CSMD1: variants seen among roughly 807,000 people sequenced by gnomAD.
The protein encoded by CSMD1 is CUB and sushi domain-containing protein 1.
CSMD1 carries 213 observed loss-of-function variants against 417.5 expected under a neutral mutation model. The ratio of observed to expected loss-of-function variants is 0.51; its 90% CI spans 0.46 to 0.57. CSMD1 has a LOEUF of 0.57. Ranked by LOEUF, CSMD1 falls within the 20% of genes least tolerant of loss-of-function variation. The pLI is 0.00. For synonymous variants in CSMD1, 2,862 were observed against 1,736.8 expected (o/e 1.65, Z -16.11); for missense variants, 6,923 against 4,529.7 (o/e 1.53, Z -15.17).
At chr8:3,294,871 G>A (rs1402023976) in intron 25 of CSMD1, among the ~76,000 whole-genome samples, 2 of 152,066 alleles carry the variant, frequency 1.3e-5, no homozygotes, top group Non-Finnish European at 2.9e-5. Context: ...GATGTACCCG[G>A]TACCTTAGTT....
rs754452145 is a variant in CSMD1 at position 3,219,382 on chromosome 8, G to A, written c.4545C>T (p.Ser1515=). The change falls in exon 29 of 70, where the codon AGC becomes AGT. Residue 1515 remains serine, a synonymous_variant. Transcript: ENST00000635120. The part of the protein sequence containing the change: ...LHIYEGEDSN[S]PLIGSYQGSQ... The stretch of plus-strand genomic sequence containing the variant: ...AGCCCTGGTAACTCCCAATGAGGGG[G>A]CTGTTGGAATCTTCCCCTTCATAGA... 7.5e-5 allele frequency: 118 copies of A among 1,567,260 alleles called. No individual in the cohort carries two copies. The Middle Eastern group carries it at 9.1e-4, about 12-fold the overall frequency.
chr8:3,549,874 C>T (rs567087610), intron 10 of CSMD1, among the ~76,000 whole-genome samples: 1 of 152,164 alleles, frequency 6.6e-6, no homozygotes, highest in Admixed American at 6.5e-5. Flanking sequence ...AACATATGCT[C>T]CAAGTGTAAC....
rs114736989 is a variant in CSMD1 at position 4,632,123 on chromosome 8, T to C, written c.302+5219A>G. 2.1e-3 allele frequency among the ~76,000 whole-genome samples: 324 copies of C among 152,304 alleles called. 2 individuals carry two copies. Among genetic ancestry groups the C allele is most frequent in the African/African-American group, 7.5e-3 (313 of 41,562 alleles). ...CACCACATGGGATGGTTGACTCACA[T>C]TCATTTAGGAGAGAGTTACATTAAG... On this transcript the variant is annotated intron_variant, in intron 2 of 69. Transcript: ENST00000635120.
chr8:4,406,017 G>C (rs1563139927), intron 3 of CSMD1, among the ~76,000 whole-genome samples: 1 of 152,206 alleles, frequency 6.6e-6, no homozygotes, highest in Admixed American at 6.5e-5. Flanking sequence ...AATTCATTCA[G>C]ACTGGCTTGT....
At chr8:3,786,581 C>A (rs1489268912) in intron 5 of CSMD1, among the ~76,000 whole-genome samples, 1 of 152,106 alleles carries the variant, frequency 6.6e-6, no homozygotes, top group Non-Finnish European at 1.5e-5. Context: ...CTAGGATGGA[C>A]AGGAAAATCG....
At chr8:4,233,226 T>C (rs1801850056) in intron 3 of CSMD1, among the ~76,000 whole-genome samples, 1 of 152,228 alleles carries the variant, frequency 6.6e-6, no homozygotes, top group Admixed American at 6.5e-5. Flanking sequence ...TTTTTCTTTT[T>C]GAAGTTAACA....
chr8:4,058,811 A>G lies in CSMD1; in HGVS notation c.416-26712T>C, dbSNP rs1324216100. 3.3e-5 allele frequency among the ~76,000 whole-genome samples: 5 copies of G among 151,026 alleles called. No homozygotes were observed. In the East Asian group the frequency reaches 7.8e-4, roughly 24 times the overall value. On this transcript the variant is annotated intron_variant, in intron 3 of 69. Transcript: ENST00000635120. ...ATAAAGCAAGTCCTGAGTGACCTAC[A>G]AAGAGACTTAGACTCCCACACAATA...
chr8:3,462,951 C>G (rs1302342327), intron 12 of CSMD1, among the ~76,000 whole-genome samples: 1 of 152,172 alleles, frequency 6.6e-6, no homozygotes, highest in Non-Finnish European at 1.5e-5. Flanking sequence ...GATTAGTGCC[C>G]TTGTGAAGGA....
intron 5 of CSMD1, among the ~76,000 whole-genome samples, chr8:3,924,632 T>G (rs1382478475): frequency 1.3e-5 from 2 of 152,214 alleles, no homozygotes; most frequent in African/African-American, 2.4e-5. Context: ...TTCTGATTGG[T>G]TGAGTCTGCT....
At position 2,963,285 on chromosome 8, in the gene CSMD1, G is replaced by C. The variant is rs2128926926; in HGVS notation, c.9391C>G (p.His3131Asp). Residue 3131 changes from histidine to aspartate, a missense_variant, in exon 60 of 70, where the codon CAC becomes GAC. Physicochemically the swap from His to Asp is moderately conservative, Grantham distance 81 (BLOSUM62 -1). Coordinates refer to ENST00000635120, the MANE Select transcript of CSMD1 (RefSeq NM_033225.6). ...CCTTCACAGGAGAGGATGGCGGAGT[G>C]AGAGAGCTGGTAACCGTCCATGCAG... ...YSCMDGYQLS[H>D]SAILSCEGRG... 1 of 1,613,980 alleles carries C rather than the reference G, an allele frequency of 6.2e-7. No homozygotes were observed. Among genetic ancestry groups the C allele is most frequent in the Non-Finnish European group, 8.5e-7 (1 of 1,179,886 alleles).
chr8:3,919,540 G>C lies in CSMD1; in HGVS notation c.818+78363C>G, dbSNP rs576748766. 6.6e-5 allele frequency among the ~76,000 whole-genome samples: 10 copies of C among 152,080 alleles called. No individual in the cohort carries two copies. The South Asian group carries it at 2.1e-3, about 32-fold the overall frequency. On this transcript the variant is annotated intron_variant, in intron 5 of 69. Coordinates refer to ENST00000635120, the MANE Select transcript of CSMD1 (RefSeq NM_033225.6). ...CATACTGCTTTTATTACTGAAGATT[G>C]GTAATATAATTTGATATCAGGACAT...
chr8:4,666,614 T>G (rs1420455008), intron 1 of CSMD1, among the ~76,000 whole-genome samples: 1 of 152,222 alleles, frequency 6.6e-6, no homozygotes, highest in Non-Finnish European at 1.5e-5. Flanking sequence ...CCAATAATAT[T>G]GTGGTAACTT....
rs1029773666 is a variant in CSMD1, at chr8:3,350,071, G to C, written c.3305-1910C>G. ...ATAACCTATAATAACTTGTGTATGT[G>C]TGTGTTATAATACCTATAATAACCT... On this transcript the variant is annotated intron_variant, in intron 21 of 69. Transcript: ENST00000635120. 1.3e-4 allele frequency among the ~76,000 whole-genome samples: 18 copies of C among 140,066 alleles called. 1 individual carries two copies. Among genetic ancestry groups the C allele is most frequent in the African/African-American group, 4.6e-4 (17 of 36,698 alleles). The allele number at this position is 140,066 out of a possible 152,430, so 91.9% of individuals were successfully genotyped here. A position where few individuals can be genotyped will look rare whatever the true frequency, so the allele number is the denominator to read the frequency against.
intron 1 of CSMD1, among the ~76,000 whole-genome samples, chr8:4,695,987 G>C (rs1323443826): frequency 1.3e-5 from 2 of 152,184 alleles, no homozygotes; most frequent in Non-Finnish European, 2.9e-5. Context: ...GAGAATGCCT[G>C]TGTTTAATCC....
chr8:3,044,144 T>C (rs910305748), intron 50 of CSMD1, among the ~76,000 whole-genome samples: 2 of 152,330 alleles, frequency 1.3e-5, no homozygotes, highest in Middle Eastern at 3.4e-3. Flanking sequence ...CTTATAATAT[T>C]CTAAGTATCT....
chr8:3,503,284 C>A (rs985908320), intron 10 of CSMD1, among the ~76,000 whole-genome samples: 10 of 152,204 alleles, frequency 6.6e-5, no homozygotes, highest in African/African-American at 2.4e-4. Context: ...CATATAAACA[C>A]TAGGAGTCTC....
At chr8:3,985,349 T>C (rs553868284) in intron 5 of CSMD1, among the ~76,000 whole-genome samples, 6 of 152,204 alleles carry the variant, frequency 3.9e-5, no homozygotes, top group Non-Finnish European at 7.3e-5. Flanking sequence ...GGGTTACAGA[T>C]TGCATTGTTT....
intron 25 of CSMD1, among the ~76,000 whole-genome samples, chr8:3,306,480 A>T (rs1268277829): frequency 6.6e-6 from 1 of 152,144 alleles, no homozygotes; most frequent in Non-Finnish European, 1.5e-5. Flanking sequence ...TTTGACCTGT[A>T]ACTTTTTTTC....
chr8:4,019,133 G>A lies in CSMD1; in HGVS notation c.610+12772C>T, dbSNP rs193092658. Among the ~76,000 whole-genome samples the A allele has an allele frequency of 9.1e-4, 139 of 152,214 alleles. 1 individual carries two copies. Among genetic ancestry groups the A allele is most frequent in the African/African-American group, 2.2e-3 (90 of 41,538 alleles). On this transcript the variant is annotated intron_variant, in intron 4 of 69. Coordinates refer to ENST00000635120, the MANE Select transcript of CSMD1 (RefSeq NM_033225.6). ...TATTTTTGTACTAGGCCATGGTATC[G>A]TAAGACTTAAAGAAAAAGGAAAGAA...
Sources: allele counts gnomAD v4.1 joint callset (sites outside exome capture counted in the v4.1 genomes callset), GRCh38; gene constraint gnomAD v4.1.1; transcripts MANE v1.5; gene names NCBI Gene and HGNC (gene_info 2026-07-23, HGNC 2026-07-21).